POLK: variants seen among roughly 807,000 people sequenced by gnomAD.
The protein encoded by POLK is DNA polymerase kappa.
Under a neutral mutation model 94.0 loss-of-function variants are expected in POLK, and 76 were observed. The observed-to-expected ratio is 0.81, with a 90% CI of 0.67 to 0.98. The LOEUF (loss-of-function observed/expected upper bound fraction) is 0.98. Among genes scored for constraint, POLK ranks in the 50% least tolerant of loss-of-function variants. The pLI is 0.00. For missense variants in POLK, 954 were observed against 1,010.1 expected (o/e 0.94, Z 0.75); for synonymous variants, 349 against 325.4 (o/e 1.07, Z -0.78).
In POLK at chr5:75,511,929, C is replaced by T. The variant is rs1768038455; in HGVS notation, c.-14+15C>T. The T allele has an allele frequency of 2.7e-6, 3 of 1,118,386 alleles. No individual in the cohort carries two copies. The highest frequency in any genetic ancestry group is 1.6e-5 in the African/African-American group (1 of 63,252). 69.3% of individuals were successfully genotyped at this position (1,118,386 alleles called of 1,614,324 possible). A position where few individuals can be genotyped will look rare whatever the true frequency, so the allele number is the denominator to read the frequency against. On this transcript the variant is annotated intron_variant, in intron 1 of 14. Transcript: ENST00000241436. Reference sequence around the variant, plus strand: ...TGAGGTAACGGGTGAGTATCCCGCGCGGGGATCGCTTGTCCCCTTGGGGCC... The same window carrying T: ...TGAGGTAACGGGTGAGTATCCCGCGTGGGGATCGCTTGTCCCCTTGGGGCC...
intron 3 of POLK, among the ~76,000 whole-genome samples, chr5:75,562,807 T>A (rs1247813232): frequency 2.6e-5 from 4 of 152,242 alleles, no homozygotes; most frequent in Admixed American, 1.3e-4. Context: ...TGTGATGGAT[T>A]ACGTTTATTG....
At position 75,596,779 on chromosome 5, in the gene POLK, T is replaced by C. The variant is rs1299364572; in HGVS notation, c.2086T>C (p.Ser696Pro). 3.1e-6 allele frequency: 5 copies of C among 1,612,108 alleles called. No homozygotes were observed. In the African/African-American group the frequency reaches 5.3e-5, roughly 17 times the overall value. The change falls in exon 13 of 15, where the codon TCT (serine) becomes CCT (proline). Residue 696 changes from serine (S) to proline (P), a missense_variant. By Grantham distance (74) the Ser-to-Pro change is moderately conservative (BLOSUM62 -1). Transcript: ENST00000241436. ...AGCCCATCCAAAAATTAAAGAAATA[T>C]CTTCAGTAGATTGTATAGCTTTAGT...
Position 75,531,933 on chromosome 5 carries a change from T to C in POLK, c.-13-15077T>C, listed in dbSNP as rs117805162. Among the ~76,000 whole-genome samples the C allele has an allele frequency of 2.1e-3, 317 of 152,250 alleles. 1 individual carries two copies. The East Asian group carries it at 0.027, about 13-fold the overall frequency. On this transcript the variant is annotated intron_variant, in intron 1 of 14. Transcript: ENST00000241436. The stretch of plus-strand genomic sequence containing the variant: ...CTAGGGCAGTATTCTTATTTGAAGA[T>C]TTGACTAGAGGAGGATCCACTTCTA...
At chr5:75,521,878 T>C (rs556334950) in intron 1 of POLK, among the ~76,000 whole-genome samples, 215 of 152,294 alleles carry the variant, frequency 1.4e-3, no homozygotes, top group Non-Finnish European at 2.1e-3. Flanking sequence ...CTGTTAGGAA[T>C]TGGGGAGGTC....
At chr5:75,571,482 T>C (rs1771597027) in intron 4 of POLK, among the ~76,000 whole-genome samples, 1 of 152,174 alleles carries the variant, frequency 6.6e-6, no homozygotes, top group Non-Finnish European at 1.5e-5. Flanking sequence ...GCGATGGCGA[T>C]GGCTCAACCT....
intron 1 of POLK, among the ~76,000 whole-genome samples, chr5:75,541,280 A>C (rs892171227): frequency 1.3e-5 from 2 of 152,066 alleles, no homozygotes; most frequent in Admixed American, 6.6e-5. Flanking sequence ...AACAAGACTG[A>C]AACTCTGTCT....
chr5:75,589,378 T>TACACAC (rs1178926125), intron 10 of POLK, among the ~76,000 whole-genome samples: 2 of 102,954 alleles, frequency 1.9e-5, no homozygotes, highest in African/African-American at 8.0e-5. Context: ...ATTTTATATA[T>TACACAC]ATACACACAT....
Position 75,559,523 on chromosome 5 carries a change from G to GTTTTTTTTTTTT in POLK, c.255+6948_255+6959dup, listed in dbSNP as rs775525619. 6.4e-4 allele frequency among the ~76,000 whole-genome samples: 35 copies of GTTTTTTTTTTTT among 54,672 alleles called. 5 individuals are homozygous for GTTTTTTTTTTTT. The highest frequency in any genetic ancestry group is 2.2e-3 in the African/African-American group (30 of 13,634). The allele number at this position is 54,672 out of a possible 152,430, so 35.9% of individuals were successfully genotyped here. On this transcript the variant is annotated intron_variant, in intron 3 of 14. Coordinates refer to ENST00000241436, the Ensembl canonical transcript of POLK. ...GGGGTTTGTTTTTTTGTTTTGTTTTGTTTTTTTTTTTTTTTTTTTTTTTTT... is the reference window on the plus strand; with the variant it reads ...GGGGTTTGTTTTTTTGTTTTGTTTTGTTTTTTTTTTTTTTTTTTTTTTTTTTTTTTTTTTTTT...
Position 75,581,274 on chromosome 5 carries a change from G to T in POLK, c.760G>T (p.Glu254Ter). ...ACGATCCATCTCTCCACTACTTTTT[G>T]AAGAGAGTCCTTCTGATGTGCAGCC... is the stretch of plus-strand genomic sequence containing the variant. Residue 254 changes from glutamate (E) to a stop codon, truncating the protein, a stop_gained, in exon 7 of 15, where the codon GAA becomes TAA. Transcript: ENST00000241436. LOFTEE classifies it high-confidence loss of function. 1.2e-6 allele frequency: 2 copies of T among 1,612,292 alleles called. No individual in the cohort carries two copies. The highest frequency in any genetic ancestry group is 1.7e-6 in the Non-Finnish European group (2 of 1,178,374).
At chr5:75,517,916 T>G (rs544179376) in intron 1 of POLK, among the ~76,000 whole-genome samples, 25 of 152,340 alleles carry the variant, frequency 1.6e-4, no homozygotes, top group African/African-American at 6.0e-4. Context: ...GGTTCTTGAT[T>G]CTGTTAATGT....
intron 1 of POLK, among the ~76,000 whole-genome samples, chr5:75,520,517 C>T (rs1299298313): frequency 6.6e-6 from 1 of 152,144 alleles, no homozygotes; most frequent in East Asian, 1.9e-4. Context: ...ACCTTAGCCT[C>T]CCAAGTATCT....
At chr5:75,598,957 T>C (rs1175869105) in exon 15 of POLK, 1 of 152,098 alleles carries the variant, frequency 6.6e-6, no homozygotes, top group East Asian at 1.9e-4. Context: ...AAATAATTAG[T>C]TAGGCCAGGC....
intron 2 of POLK, among the ~76,000 whole-genome samples, chr5:75,551,360 A>C (rs1353489945): frequency 6.6e-6 from 1 of 152,036 alleles, no homozygotes; most frequent in Non-Finnish European, 1.5e-5. Flanking sequence ...GAGGATCAGG[A>C]GTTTGAGACC....
At chr5:75,600,973 G>A (rs1051795) in exon 15 of POLK, 33,808 of 152,058 alleles carry the variant, frequency 0.22, 3,898 homozygotes, top group South Asian at 0.4. Context: ...AAGTACAGCA[G>A]TGTGATTGGG....
chr5:75,517,999 G>C (rs1768397966), intron 1 of POLK, among the ~76,000 whole-genome samples: 1 of 152,150 alleles, frequency 6.6e-6, no homozygotes, highest in Admixed American at 6.5e-5. Flanking sequence ...ACTTGATCAT[G>C]ATGAAGGATC....
chr5:75,609,823 A>T, the POLK span: 1 of 152,092 alleles, frequency 6.6e-6, no homozygotes, highest in African/African-American at 2.4e-5. Context: ...TTTTTCATTG[A>T]TTAGGAAACA....
exon 13 of POLK, chr5:75,596,805 A>C: frequency 3.7e-6 from 6 of 1,610,116 alleles, no homozygotes; most frequent in Non-Finnish European, 4.2e-6. Context: ...TAGCTTTAGT[A>C]GATACTATAG....
At chr5:75,511,695 C>T, upstream of POLK, 2 of 1,540,488 alleles carry the variant, frequency 1.3e-6, no homozygotes, top group African/African-American at 1.4e-5. Flanking sequence ...ACTCCCCGCC[C>T]CGTCCCCCTC....
intron 1 of POLK, among the ~76,000 whole-genome samples, chr5:75,533,501 T>G (rs1423804269): frequency 6.6e-6 from 1 of 152,234 alleles, no homozygotes; most frequent in South Asian, 2.1e-4. Flanking sequence ...GTAATATAGT[T>G]TGAAGTCTGG....
Sources: gnomAD v4.1 joint callset for allele counts (sites outside exome capture counted in the v4.1 genomes callset) on GRCh38, gnomAD v4.1.1 for gene constraint, MANE v1.5 for transcripts, NCBI Gene and HGNC (gene_info 2026-07-23, HGNC 2026-07-21) for gene names.